C9: variants seen among roughly 807,000 people sequenced by gnomAD.
C9 encodes the protein complement C9, also known as complement component C9.
C9 carries 63 observed loss-of-function variants against 65.4 expected under a neutral mutation model. The ratio of observed to expected loss-of-function variants is 0.96; its 90% CI spans 0.79 to 1.19. The LOEUF is 1.19. Ranked by LOEUF, C9 falls within the 50% of genes most tolerant of loss-of-function variation. The probability of loss-of-function intolerance (pLI) is 0.00; values close to 1 mark genes in which losing one functional copy is unlikely to be tolerated. For synonymous variants in C9, 229 were observed against 227.9 expected (o/e 1.00, Z -0.04); for missense variants, 744 against 670.1 (o/e 1.11, Z -1.22).
intron 1 of C9, among the ~76,000 whole-genome samples, chr5:39,363,646 T>C (rs1754562229): frequency 6.6e-6 from 1 of 152,194 alleles, no homozygotes; most frequent in African/African-American, 2.4e-5. Flanking sequence ...CTCTGATGAC[T>C]CCAGGATGGA....
intron 1 of C9, among the ~76,000 whole-genome samples, chr5:39,362,981 T>G (rs1460513062): frequency 6.6e-6 from 1 of 152,134 alleles, no homozygotes. Flanking sequence ...AACAGCTGAG[T>G]GTGGCCAGGA....
chr5:39,311,113 T>C, intron 7 of C9, 24 bp downstream of exon 7: 2 of 1,612,026 alleles, frequency 1.2e-6, no homozygotes, highest in Non-Finnish European at 1.7e-6. Flanking sequence ...GTATTTGAAG[T>C]CAGAGCTCTA....
intron 1 of C9, among the ~76,000 whole-genome samples, chr5:39,356,991 T>G (rs1269168271): frequency 1.3e-5 from 2 of 152,210 alleles, no homozygotes; most frequent in Non-Finnish European, 2.9e-5. Flanking sequence ...AATCTCAGCT[T>G]GAAAGTCACT....
In C9 at chr5:39,341,718, G is replaced by A. The variant is rs752209145; in HGVS notation, c.184-18C>T. 6.2e-7 allele frequency: 1 copy of A among 1,612,902 alleles called. No individual in the cohort carries two copies. Among genetic ancestry groups the A allele is most frequent in the South Asian group, 1.1e-5 (1 of 91,056 alleles). Reference sequence around the variant, plus strand: ...GAACGAAACTGCACAATATCAGTTGGAATGATTAGAATTTCTAATGCCAAA... The same window carrying A: ...GAACGAAACTGCACAATATCAGTTGAAATGATTAGAATTTCTAATGCCAAA... On this transcript the variant is annotated intron_variant, in intron 2 of 10. Coordinates refer to ENST00000263408, the MANE Select transcript of C9 (RefSeq NM_001737.5).
chr5:39,292,273 T>C (rs1579838321), intron 9 of C9, among the ~76,000 whole-genome samples: 1 of 151,762 alleles, frequency 6.6e-6, no homozygotes, highest in South Asian at 2.1e-4. Context: ...AGCATACTGC[T>C]TATTTAAAAA....
At chr5:39,308,490 T>C in intron 7 of C9, 132 bp from the exon 8 acceptor site, 1 of 717,200 alleles carries the variant, frequency 1.4e-6, no homozygotes, top group South Asian at 1.6e-5. Flanking sequence ...AAATGTGCCA[T>C]CATGTCTGTC....
rs532676382 is a variant in C9 at position 39,311,384 on chromosome 5, T to G, written c.871-7A>C. 1 of 1,610,866 alleles carries G rather than the reference T, an allele frequency of 6.2e-7. No homozygotes were observed. Among genetic ancestry groups the G allele is most frequent in the South Asian group, 1.1e-5 (1 of 91,040 alleles). ...CATGCAGAAACATTTTTTCCTGTGTTGTAGAGCAGATGAAGAAGAGAAACA... is the reference window on the plus strand; with the variant it reads ...CATGCAGAAACATTTTTTCCTGTGTGGTAGAGCAGATGAAGAAGAGAAACA... On this transcript the variant is annotated splice_region_variant and splice_polypyrimidine_tract_variant and intron_variant, in intron 6 of 10. Coordinates refer to ENST00000263408, the MANE Select transcript of C9 (RefSeq NM_001737.5).
chr5:39,342,105 A>G lies in C9; in HGVS notation c.169T>C (p.Cys57Arg). Residue 57 changes from cysteine to arginine, a missense_variant, in exon 2 of 11, where the codon TGT becomes CGT. By Grantham distance (180) the Cys-to-Arg change is radical. Transcript: ENST00000263408. ...TGAACACTTACCATTTGTCTGAGAC[A>G]AGGATCGCATTGTGACCATTCACTC... ...PWSEWSQCDP[C>R]LRQMFRSRSI... The G allele has an allele frequency of 3.2e-6, 5 of 1,582,474 alleles. No individual in the cohort carries two copies. Among genetic ancestry groups the G allele is most frequent in the Non-Finnish European group, 4.3e-6 (5 of 1,151,060 alleles).
Position 39,336,386 on chromosome 5 carries a change from TATTG to T in C9, c.477-4576_477-4573del, listed in dbSNP as rs527949984. Among the ~76,000 whole-genome samples the T allele has an allele frequency of 4.6e-5, 7 of 152,254 alleles. No individual in the cohort carries two copies. In the South Asian group the frequency reaches 1.2e-3, roughly 27 times the overall value. On this transcript the variant is annotated intron_variant, in intron 4 of 10. Transcript: ENST00000263408. The stretch of plus-strand genomic sequence containing the variant: ...AATATAGTTTATTTTTTAAAGTTTT[TATTG>T]ATTGTCTTGTCATACTTTTCTGTAC...
chr5:39,353,543 T>C (rs1303928990), intron 1 of C9, among the ~76,000 whole-genome samples: 1 of 152,202 alleles, frequency 6.6e-6, no homozygotes, highest in Non-Finnish European at 1.5e-5. Context: ...ACACATTATA[T>C]TTTTCTGGGA....
At chr5:39,322,690 G>A (rs148418363) in intron 5 of C9, among the ~76,000 whole-genome samples, 155 of 152,226 alleles carry the variant, frequency 1.0e-3, no homozygotes, top group African/African-American at 3.5e-3. Flanking sequence ...TTTTGCATCC[G>A]TGGATTCAAC....
chr5:39,303,889 G>A (rs1425436334), intron 9 of C9, among the ~76,000 whole-genome samples: 1 of 152,004 alleles, frequency 6.6e-6, no homozygotes, highest in Non-Finnish European at 1.5e-5. Context: ...GTGTTGAGAC[G>A]GTGCTCTGTC....
intron 1 of C9, among the ~76,000 whole-genome samples, chr5:39,346,188 C>A (rs915715108): frequency 5.9e-5 from 9 of 151,704 alleles, no homozygotes; most frequent in African/African-American, 9.7e-5. Context: ...AACTGAAGGA[C>A]ATAGAGACAC....
intron 9 of C9, among the ~76,000 whole-genome samples, chr5:39,290,195 T>C (rs1158909112): frequency 2.0e-5 from 3 of 151,850 alleles, no homozygotes; most frequent in African/African-American, 7.2e-5. Flanking sequence ...TGTAGTTAGA[T>C]AGAAGGGGTA....
chr5:39,354,299 G>A (rs1046222161), intron 1 of C9, among the ~76,000 whole-genome samples: 12 of 152,176 alleles, frequency 7.9e-5, no homozygotes, highest in African/African-American at 2.9e-4. Flanking sequence ...ATGCCCTATA[G>A]CAGTGGGTCT....
chr5:39,306,468 C>T, intron 9 of C9, 149 bp downstream of exon 9: 1 of 693,968 alleles, frequency 1.4e-6, no homozygotes, highest in South Asian at 1.7e-5. Context: ...TGCCTTTTCT[C>T]TATGCCATGC....
chr5:39,333,592 CTCCG>C (rs1753886340), intron 4 of C9, among the ~76,000 whole-genome samples: 4 of 100,274 alleles, frequency 4.0e-5, no homozygotes, highest in Non-Finnish European at 9.5e-5. Context: ...CCGTCTCCCT[CTCCG>C]TCTCCCTCTC....
intron 5 of C9, among the ~76,000 whole-genome samples, chr5:39,321,988 T>G (rs964999996): frequency 2.6e-5 from 4 of 152,100 alleles, no homozygotes; most frequent in Non-Finnish European, 5.9e-5. Flanking sequence ...TGAACTACTC[T>G]TTAGTCCAAA....
intron 5 of C9, 63 bp from the exon 6 acceptor site, chr5:39,316,092 A>G: frequency 1.4e-6 from 2 of 1,384,894 alleles, no homozygotes; most frequent in East Asian, 2.3e-5. Context: ...AAACAAGCAG[A>G]ACAGAACCAA....
Sources: gnomAD v4.1 joint callset for allele counts (sites outside exome capture counted in the v4.1 genomes callset) on GRCh38, gnomAD v4.1.1 for gene constraint, MANE v1.5 for transcripts, NCBI Gene and HGNC (gene_info 2026-07-23, HGNC 2026-07-21) for gene names.